DCX: variants seen among roughly 807,000 people sequenced by gnomAD.
The protein encoded by DCX is doublecortin.
A neutral mutation model predicts 20.9 loss-of-function variants in DCX; 4 were observed. The ratio of observed to expected loss-of-function variants is 0.19; its 90% CI spans 0.09 to 0.44. The LOEUF (loss-of-function observed/expected upper bound fraction) is 0.44. Among genes scored for constraint, DCX ranks in the 20% least tolerant of loss-of-function variants. The probability of loss-of-function intolerance (pLI) is 0.99; values close to 1 mark genes in which losing one functional copy is unlikely to be tolerated. For synonymous variants in DCX, 103 were observed against 111.4 expected (o/e 0.92, Z 0.47); for missense variants, 133 against 296.9 (o/e 0.45, Z 4.06).
chrX:111,320,413 C>T (rs1248647944), intron 5 of DCX, among the ~76,000 whole-genome samples: 1 of 112,002 alleles, frequency 8.9e-6, no homozygotes, highest in Non-Finnish European at 1.9e-5. Context: ...CCATGTAGAT[C>T]CACATTTCAT....
chrX:111,406,490 CAACCACCCT>C (rs1311615222), intron 2 of DCX, among the ~76,000 whole-genome samples: 2 of 111,615 alleles, frequency 1.8e-5, no homozygotes, highest in African/African-American at 6.5e-5. Flanking sequence ...TTTAACCTTA[CAACCACCCT>C]AATGGATAGA....
intron 3 of DCX, among the ~76,000 whole-genome samples, chrX:111,399,643 T>C (rs1256255315): frequency 8.9e-6 from 1 of 112,001 alleles, no homozygotes; most frequent in Non-Finnish European, 1.9e-5. Flanking sequence ...CCAATGATTC[T>C]AAACTTTCTA....
At chrX:111,402,711 G>T (rs1166064319) in intron 2 of DCX, among the ~76,000 whole-genome samples, 1 of 110,743 alleles carries the variant, frequency 9.0e-6, no homozygotes, top group Admixed American at 9.6e-5. Context: ...GCTAAGAGAA[G>T]TTTCAGTCAA....
chrX:111,335,979 T>C (rs2147641408), intron 3 of DCX, among the ~76,000 whole-genome samples: 1 of 110,246 alleles, frequency 9.1e-6, no homozygotes, highest in African/African-American at 3.3e-5. Context: ...GAAAGAAAAG[T>C]CTCAATAATT....
At chrX:111,385,781 G>A (rs1314994699) in intron 3 of DCX, among the ~76,000 whole-genome samples, 1 of 85,075 alleles carries the variant, frequency 1.2e-5, no homozygotes, top group African/African-American at 4.3e-5. Context: ...AGGAGGGAGG[G>A]AGGGAAGGAA....
Position 111,410,207 on chromosome X carries a change from G to A in DCX, c.192C>T (p.Tyr64=), listed in dbSNP as rs764964209. ...ACACAGCGTACACAATCCCCTTGAA[G>A]TAGCGGTCCCCATTGCGGTAGAAAC... is the stretch of plus-strand genomic sequence containing the variant. ...KVRFYRNGDR[Y]FKGIVYAVSS... Residue 64 remains tyrosine (Y), a synonymous_variant, in exon 2 of 7, where the codon TAC becomes TAT. Coordinates refer to ENST00000636035, the MANE Select transcript of DCX (RefSeq NM_001195553.2). 8.3e-7 allele frequency: 1 copy of A among 1,211,672 alleles called. No homozygotes were observed.
At chrX:111,351,523 G>A (rs1166107833) in intron 3 of DCX, among the ~76,000 whole-genome samples, 1 of 112,306 alleles carries the variant, frequency 8.9e-6, no homozygotes, top group Non-Finnish European at 1.9e-5. Context: ...ACCATGAGCA[G>A]ATTCACCACT....
At chrX:111,337,457 A>T (rs1311184552) in intron 3 of DCX, among the ~76,000 whole-genome samples, 1 of 111,685 alleles carries the variant, frequency 9.0e-6, no homozygotes, top group Admixed American at 9.5e-5. Flanking sequence ...ATGATAGATT[A>T]TATGGATAGT....
intron 3 of DCX, among the ~76,000 whole-genome samples, chrX:111,393,793 A>G (rs763115430): frequency 3.6e-5 from 4 of 111,251 alleles, no homozygotes; most frequent in Admixed American, 2.9e-4. Flanking sequence ...AAAAACCACA[A>G]TCAGATACCA....
intron 5 of DCX, among the ~76,000 whole-genome samples, chrX:111,314,459 C>T (rs907341555): frequency 7.2e-5 from 8 of 111,711 alleles, no homozygotes; most frequent in Non-Finnish European, 1.5e-4. Flanking sequence ...CAAGAGGAGG[C>T]AACACCTGAG....
intron 3 of DCX, among the ~76,000 whole-genome samples, chrX:111,372,499 G>A (rs1391501769): frequency 2.7e-5 from 3 of 111,663 alleles, no homozygotes; most frequent in Non-Finnish European, 5.7e-5. Context: ...CCCATTCGAG[G>A]TGGCTGTTTA....
At chrX:111,356,078 C>T (rs764521426) in intron 3 of DCX, among the ~76,000 whole-genome samples, 5 of 112,013 alleles carry the variant, frequency 4.5e-5, no homozygotes, top group African/African-American at 1.6e-4. Flanking sequence ...AAGTATATCT[C>T]AGGAAATATA....
At position 111,363,083 on chromosome X, in the gene DCX, T is replaced by A. The variant is rs755479560; in HGVS notation, c.706-29930A>T. Among the ~76,000 whole-genome samples, 4 of 111,155 alleles carry A rather than the reference T, an allele frequency of 3.6e-5. No homozygotes were observed. The Admixed American group carries it at 3.8e-4, about 11-fold the overall frequency. Reference sequence around the variant, plus strand: ...AATTGGTGCATATGACAAAAGAATATGATATAGACCATTTATCTACCTATC... The same window carrying A: ...AATTGGTGCATATGACAAAAGAATAAGATATAGACCATTTATCTACCTATC... On this transcript the variant is annotated intron_variant, in intron 3 of 6. Transcript: ENST00000636035.
chrX:111,377,491 C>T (rs1029380647), intron 3 of DCX, among the ~76,000 whole-genome samples: 2 of 110,855 alleles, frequency 1.8e-5, no homozygotes, highest in African/African-American at 6.6e-5. Context: ...TGGGGTCTAA[C>T]GCCGCATTTG....
intron 3 of DCX, among the ~76,000 whole-genome samples, chrX:111,387,124 CAG>C (rs1926582506): frequency 1.8e-5 from 2 of 111,540 alleles, no homozygotes; most frequent in Non-Finnish European, 3.8e-5. Context: ...AATGCCAGCC[CAG>C]AAATCAGATA....
rs61036541 is a variant in DCX at position 111,400,961 on chromosome X, C to T, written c.705+29G>A. The T allele has an allele frequency of 5.8e-3, 6,813 of 1,175,072 alleles. 70 individuals are homozygous for T. The highest frequency in any genetic ancestry group is 0.053 in the African/African-American group (3,024 of 56,579). On this transcript the variant is annotated intron_variant, in intron 3 of 6. Coordinates refer to ENST00000636035, the MANE Select transcript of DCX (RefSeq NM_001195553.2). ...TGATCATCTAAGAATTTAGAAAAAA[C>T]GGGAAAAGTACTTTGAAAAAGTACC...
intron 3 of DCX, among the ~76,000 whole-genome samples, chrX:111,386,727 T>G (rs1926548004): frequency 9.0e-6 from 1 of 111,339 alleles, no homozygotes; most frequent in African/African-American, 3.3e-5. Flanking sequence ...ACTGCAGTAA[T>G]TCATCCCATT....
In DCX at chrX:111,406,332, T is replaced by G. The variant is rs953898339; in HGVS notation, c.364+3703A>C. ...AAAGGCAGCCGGGTTTGGAAACCACTGACCATTACAATCCCTTACTAACAT... is the reference window on the plus strand; with the variant it reads ...AAAGGCAGCCGGGTTTGGAAACCACGGACCATTACAATCCCTTACTAACAT... On this transcript the variant is annotated intron_variant, in intron 2 of 6. Coordinates refer to ENST00000636035, the MANE Select transcript of DCX (RefSeq NM_001195553.2). Among the ~76,000 whole-genome samples the G allele has an allele frequency of 6.2e-5, 7 of 112,451 alleles. No homozygotes were observed. In the East Asian group the frequency reaches 2.0e-3, roughly 31 times the overall value.
intron 3 of DCX, among the ~76,000 whole-genome samples, chrX:111,396,928 G>T (rs766362412): frequency 9.0e-6 from 1 of 111,216 alleles, no homozygotes; most frequent in Non-Finnish European, 1.9e-5. Context: ...GTGGTGGTTG[G>T]CTTTCCTGTC....
Sources: allele counts gnomAD v4.1 joint callset (sites outside exome capture counted in the v4.1 genomes callset), GRCh38; gene constraint gnomAD v4.1.1; transcripts MANE v1.5; gene names NCBI Gene and HGNC (gene_info 2026-07-23, HGNC 2026-07-21).